Variants in GRM8 observed in about 807,000 individuals in gnomAD.
GRM8 encodes the protein glutamate metabotropic receptor 8.
A neutral mutation model predicts 87.2 loss-of-function variants in GRM8; 47 were observed. The ratio of observed to expected loss-of-function variants is 0.54; its 90% confidence interval spans 0.43 to 0.69. The LOEUF is 0.69. Ranked by LOEUF, GRM8 falls within the 30% of genes least tolerant of loss-of-function variation. The probability of loss-of-function intolerance (pLI) is 0.00; values close to 1 mark genes in which losing one functional copy is unlikely to be tolerated. For missense variants in GRM8, 1,019 were observed against 1,139.2 expected (o/e 0.89, Z 1.52); for synonymous variants, 396 against 404.5 (o/e 0.98, Z 0.25).
chr7:126,444,248 T>C (rs547094653), intron 10 of GRM8, among the ~76,000 whole-genome samples: 41 of 152,146 alleles, frequency 2.7e-4, no homozygotes, highest in Admixed American at 9.8e-4. Flanking sequence ...TAAAATTCTG[T>C]CCTCAAATCA....
chr7:126,640,740 C>G (rs892102405), intron 7 of GRM8, among the ~76,000 whole-genome samples: 3 of 152,012 alleles, frequency 2.0e-5, no homozygotes, highest in African/African-American at 2.4e-5. Context: ...GACCTTCCCC[C>G]CCTCCTACCC....
In GRM8 at chr7:126,800,217, G is replaced by A. The variant is rs550148844; in HGVS notation, c.1157-30152C>T. ...GTTCCTTAAAAACCACAAGCTCTAC[G>A]AATCTCATCATATCCTAATGCATTG... On this transcript the variant is annotated intron_variant, in intron 6 of 10. Transcript: ENST00000339582. Among the ~76,000 whole-genome samples, 102 of 151,990 alleles carry A rather than the reference G, an allele frequency of 6.7e-4. 1 individual carries two copies. The highest frequency in any genetic ancestry group is 2.2e-3 in the African/African-American group (93 of 41,460).
At chr7:126,643,529 A>T (rs199846359) in intron 7 of GRM8, among the ~76,000 whole-genome samples, 1 of 72,926 alleles carries the variant, frequency 1.4e-5, no homozygotes, top group African/African-American at 3.4e-5. Flanking sequence ...TATTAAATTT[A>T]AAAAATCACC....
At chr7:126,631,688 G>A (rs528571673) in intron 7 of GRM8, among the ~76,000 whole-genome samples, 14 of 151,992 alleles carry the variant, frequency 9.2e-5, no homozygotes, top group Admixed American at 1.3e-4. Flanking sequence ...AAACAGGCAC[G>A]TAGACCAATA....
chr7:126,637,896 A>T (rs902967940), intron 7 of GRM8, among the ~76,000 whole-genome samples: 1 of 152,226 alleles, frequency 6.6e-6, no homozygotes, highest in East Asian at 1.9e-4. Context: ...CTGAAGGTAG[A>T]TGATACAAAT....
At chr7:126,899,685 G>C (rs1484997505) in intron 6 of GRM8, among the ~76,000 whole-genome samples, 3 of 151,200 alleles carry the variant, frequency 2.0e-5, no homozygotes, top group East Asian at 3.9e-4. Flanking sequence ...TCTCCTTAAA[G>C]TTTCCATCAA....
At chr7:126,659,318 A>G (rs1804894434) in intron 7 of GRM8, among the ~76,000 whole-genome samples, 1 of 152,210 alleles carries the variant, frequency 6.6e-6, no homozygotes, top group Non-Finnish European at 1.5e-5. Context: ...TTTCTGTTAA[A>G]TAATAATGTG....
chr7:127,223,876 T>C (rs889332541), intron 2 of GRM8, among the ~76,000 whole-genome samples: 6 of 139,292 alleles, frequency 4.3e-5, no homozygotes, highest in East Asian at 2.1e-4. Context: ...AAGAACCAAG[T>C]AGAAACTTTG....
At position 126,716,473 on chromosome 7, in the gene GRM8, C is replaced by T. The variant is rs546529886; in HGVS notation, c.1357+53392G>A. On this transcript the variant is annotated intron_variant, in intron 7 of 10. Coordinates refer to ENST00000339582, the MANE Select transcript of GRM8 (RefSeq NM_000845.3). ...TTTTTCTATAACACCCTTTGCTCCC[C>T]GTGGCATCTGCCTATGTCATTCTCC... Among the ~76,000 whole-genome samples the T allele has an allele frequency of 7.9e-5, 12 of 152,250 alleles. No individual in the cohort carries two copies. In the South Asian group the frequency reaches 1.9e-3, roughly 24 times the overall value.
At chr7:127,129,043 A>ACCATAT (rs1434363234) in intron 2 of GRM8, among the ~76,000 whole-genome samples, 3 of 152,186 alleles carry the variant, frequency 2.0e-5, no homozygotes, top group Admixed American at 2.0e-4. Context: ...CTCCTTATTC[A>ACCATAT]CCATATCCAA....
In GRM8 at chr7:126,498,030, A is replaced by T. The variant is rs140833595; in HGVS notation, c.2430+34922T>A. Among the ~76,000 whole-genome samples, 889 of 152,036 alleles carry T rather than the reference A, an allele frequency of 5.8e-3. 7 individuals carry two copies. The highest frequency in any genetic ancestry group is 0.021 in the African/African-American group (853 of 41,524). On this transcript the variant is annotated intron_variant, in intron 9 of 10. Transcript: ENST00000339582. ...GACAAAGAAATCCCTTGACCCTGAA[A>T]TATCTCCTAGAGAAGAAAAGGATGG...
intron 1 of GRM8, among the ~76,000 whole-genome samples, chr7:127,244,222 C>T (rs557214053): frequency 1.1e-4 from 16 of 152,204 alleles, no homozygotes; most frequent in African/African-American, 9.6e-5. Context: ...ATTAATTTGT[C>T]GGTGTGGGAG....
At chr7:127,046,816 T>C (rs1408492628) in intron 3 of GRM8, among the ~76,000 whole-genome samples, 2 of 152,198 alleles carry the variant, frequency 1.3e-5, no homozygotes, top group Non-Finnish European at 2.9e-5. Context: ...GGACTAACAA[T>C]ATCATGATAA....
chr7:126,641,203 GCT>G, intron 7 of GRM8, among the ~76,000 whole-genome samples: 1 of 152,198 alleles, frequency 6.6e-6, no homozygotes, highest in East Asian at 1.9e-4. Flanking sequence ...ATATTTATGT[GCT>G]CTCTTTGTCC....
At chr7:126,915,098 C>G (rs1803755509) in intron 3 of GRM8, among the ~76,000 whole-genome samples, 1 of 152,156 alleles carries the variant, frequency 6.6e-6, no homozygotes, top group Admixed American at 6.5e-5. Flanking sequence ...CACTCAGCCA[C>G]AACTCACCAC....
chr7:126,620,753 CTCA>C (rs1030770585), intron 7 of GRM8, among the ~76,000 whole-genome samples: 4 of 152,160 alleles, frequency 2.6e-5, no homozygotes, highest in African/African-American at 7.2e-5. Context: ...AACGCAAACA[CTCA>C]TCATCTTCCA....
intron 2 of GRM8, among the ~76,000 whole-genome samples, chr7:127,131,092 T>C (rs1372125582): frequency 6.6e-6 from 1 of 152,222 alleles, no homozygotes; most frequent in East Asian, 1.9e-4. Flanking sequence ...GTGCAGGAGT[T>C]GCATGGAGAA....
intron 3 of GRM8, among the ~76,000 whole-genome samples, chr7:127,059,196 A>G (rs17866413): frequency 0.08 from 12,137 of 152,160 alleles, 525 homozygotes; most frequent in South Asian, 0.13. Context: ...ATAGGCAGAG[A>G]AGAAAAAAAT....
At chr7:127,175,857 A>T (rs1163825282) in intron 2 of GRM8, among the ~76,000 whole-genome samples, 1 of 152,204 alleles carries the variant, frequency 6.6e-6, no homozygotes, top group Non-Finnish European at 1.5e-5. Context: ...AAAAAACATT[A>T]TTTAAGGGGA....
Sources: allele counts gnomAD v4.1 joint callset (sites outside exome capture counted in the v4.1 genomes callset), GRCh38; gene constraint gnomAD v4.1.1; transcripts MANE v1.5; gene names NCBI Gene and HGNC (gene_info 2026-07-23, HGNC 2026-07-21).